The following DLG2 variants were observed in gnomAD, a reference collection of about 807,000 sequenced individuals.
DLG2 encodes disks large homolog 2.
Under a neutral mutation model 132.5 loss-of-function variants are expected in DLG2, and 45 were observed. That is an observed-to-expected ratio of 0.34 (90% CI 0.27 to 0.44). The LOEUF (loss-of-function observed/expected upper bound fraction) is 0.44. DLG2 is among the 20% of genes least tolerant of loss of function. The probability of loss-of-function intolerance (pLI) is 1.00; values close to 1 mark genes in which losing one functional copy is unlikely to be tolerated. For synonymous variants in DLG2, 424 were observed against 419.6 expected (o/e 1.01, Z -0.13); for missense variants, 1,045 against 1,196.9 (o/e 0.87, Z 1.87).
At chr11:84,279,329 G>A (rs1192946876) in intron 7 of DLG2, among the ~76,000 whole-genome samples, 19 of 152,182 alleles carry the variant, frequency 1.2e-4, no homozygotes, top group Admixed American at 1.2e-3. Context: ...AGAGAATGTG[G>A]AGAAATAGGA....
chr11:85,482,360 C>T (rs1452158072), intron 3 of DLG2, among the ~76,000 whole-genome samples: 2 of 152,212 alleles, frequency 1.3e-5, no homozygotes, highest in Non-Finnish European at 2.9e-5. Context: ...AAGACCTAAG[C>T]TCCAGGCCTT....
chr11:83,504,709 C>A (rs2094604039), intron 21 of DLG2, among the ~76,000 whole-genome samples: 1 of 152,114 alleles, frequency 6.6e-6, no homozygotes, highest in Non-Finnish European at 1.5e-5. Flanking sequence ...TAGTGGATCA[C>A]TAGGAGTGAT....
At chr11:84,644,184 G>A (rs781336149) in intron 6 of DLG2, among the ~76,000 whole-genome samples, 31 of 152,034 alleles carry the variant, frequency 2.0e-4, no homozygotes, top group Non-Finnish European at 3.8e-4. Context: ...TCTTTTCAAA[G>A]GTCCATCTAT....
intron 7 of DLG2, among the ~76,000 whole-genome samples, chr11:84,368,958 AT>A (rs959825816): frequency 7.2e-5 from 11 of 151,862 alleles, no homozygotes; most frequent in Admixed American, 2.0e-4. Context: ...TACTCAAAAT[AT>A]TTTTTTTGAA....
chr11:83,680,706 T>A (rs553304816), intron 18 of DLG2, among the ~76,000 whole-genome samples: 1 of 152,218 alleles, frequency 6.6e-6, no homozygotes, highest in African/African-American at 2.4e-5. Flanking sequence ...AAAAGAAGCA[T>A]GAACAAAAAA....
intron 9 of DLG2, among the ~76,000 whole-genome samples, chr11:84,152,479 T>C (rs1555380889): frequency 6.6e-6 from 1 of 151,546 alleles, no homozygotes; most frequent in African/African-American, 2.4e-5. Context: ...CTCCACCTCC[T>C]GGGTTCACGC....
intron 5 of DLG2, among the ~76,000 whole-genome samples, chr11:85,141,860 A>T (rs536852598): frequency 6.6e-6 from 1 of 151,846 alleles, no homozygotes; most frequent in East Asian, 1.9e-4. Context: ...AATTGAGTTC[A>T]TGGTAGATGT....
chr11:84,059,481 G>A lies in DLG2; in HGVS notation c.753C>T (p.Val251=). ...CATTCACCCGCAAGATACAATCATT[G>A]ACCCTGCAAGGAAGGAAAAGAGTCA... ...GAAAEDGRLR[V]NDCILRVNEV... Residue 251 remains valine (V), a synonymous_variant, in exon 11 of 28, where the codon GTC becomes GTT. Transcript: ENST00000376104. 6.3e-7 allele frequency: 1 copy of A among 1,584,974 alleles called. No individual in the cohort carries two copies. Among genetic ancestry groups the A allele is most frequent in the East Asian group, 2.3e-5 (1 of 42,782 alleles).
At chr11:84,632,259 C>CT (rs564941255) in intron 6 of DLG2, among the ~76,000 whole-genome samples, 47 of 147,014 alleles carry the variant, frequency 3.2e-4, no homozygotes, top group South Asian at 6.4e-4. Context: ...TTCAGTCTTG[C>CT]TTTTTTTTTT....
At chr11:83,629,823 C>T (rs995933082) in intron 19 of DLG2, among the ~76,000 whole-genome samples, 3 of 152,148 alleles carry the variant, frequency 2.0e-5, no homozygotes, top group Non-Finnish European at 2.9e-5. Context: ...AGCCTAAATG[C>T]ATCTATGTTT....
At chr11:85,323,529 A>G (rs1365459220) in intron 3 of DLG2, among the ~76,000 whole-genome samples, 6 of 152,190 alleles carry the variant, frequency 3.9e-5, no homozygotes, top group African/African-American at 1.4e-4. Context: ...TCTTCAAGCT[A>G]TTTTGAAATA....
intron 11 of DLG2, among the ~76,000 whole-genome samples, chr11:84,008,334 T>A (rs1440242415): frequency 2.0e-5 from 3 of 151,938 alleles, no homozygotes; most frequent in Non-Finnish European, 2.9e-5. Flanking sequence ...TGGACATAAA[T>A]ACAATTTAAT....
At chr11:83,594,486 T>C (rs2153344910) in intron 19 of DLG2, among the ~76,000 whole-genome samples, 1 of 152,260 alleles carries the variant, frequency 6.6e-6, no homozygotes, top group East Asian at 1.9e-4. Flanking sequence ...TGCATGATCT[T>C]GTTTAAACTG....
chr11:83,490,178 A>G (rs1258198285), intron 21 of DLG2, among the ~76,000 whole-genome samples: 1 of 151,884 alleles, frequency 6.6e-6, no homozygotes, highest in African/African-American at 2.4e-5. Context: ...TCGTGGGGCT[A>G]GAAAGTAAGC....
chr11:84,363,742 T>A (rs1327616517), intron 7 of DLG2, among the ~76,000 whole-genome samples: 1 of 151,690 alleles, frequency 6.6e-6, no homozygotes, highest in Non-Finnish European at 1.5e-5. Context: ...TAGCCAGTTT[T>A]CCCAGCACCA....
intron 8 of DLG2, among the ~76,000 whole-genome samples, chr11:84,215,450 C>A (rs1288396558): frequency 6.6e-6 from 1 of 151,614 alleles, no homozygotes. Context: ...TTTTTCCTTA[C>A]AAAAATCTTC....
chr11:83,563,313 T>C (rs2096646985), intron 19 of DLG2, among the ~76,000 whole-genome samples: 1 of 152,140 alleles, frequency 6.6e-6, no homozygotes, highest in South Asian at 2.1e-4. Context: ...ACTCTGAAAC[T>C]TCTAAATTAA....
intron 8 of DLG2, among the ~76,000 whole-genome samples, chr11:84,235,563 C>T (rs2097147658): frequency 6.6e-6 from 1 of 152,050 alleles, no homozygotes; most frequent in South Asian, 2.1e-4. Flanking sequence ...AATCTCTTCC[C>T]AGGTTGACTT....
At chr11:84,054,541 T>C (rs981245598) in intron 11 of DLG2, among the ~76,000 whole-genome samples, 45 of 152,182 alleles carry the variant, frequency 3.0e-4, no homozygotes, top group African/African-American at 1.1e-3. Flanking sequence ...CTACCTATTT[T>C]GAGAAAAGAC....
Sources: gnomAD v4.1 joint callset for allele counts (sites outside exome capture counted in the v4.1 genomes callset) on GRCh38, gnomAD v4.1.1 for gene constraint, MANE v1.5 for transcripts, NCBI Gene and HGNC (gene_info 2026-07-23, HGNC 2026-07-21) for gene names.